Variants in MTTP observed in about 807,000 individuals in gnomAD.
MTTP encodes the protein microsomal triglyceride transfer protein large subunit.
Under a neutral mutation model 90.6 loss-of-function variants are expected in MTTP, and 49 were observed. That is an observed-to-expected ratio of 0.54 (90% CI 0.43 to 0.69). MTTP has a LOEUF of 0.69. Ranked by LOEUF, MTTP falls within the 30% of genes least tolerant of loss-of-function variation. The probability of loss-of-function intolerance (pLI) is 0.00; values close to 1 mark genes in which losing one functional copy is unlikely to be tolerated. For missense variants in MTTP, 945 were observed against 1,067.5 expected, an observed-to-expected ratio of 0.89 and a Z score of 1.60; for synonymous variants, 347 against 384.2, an observed-to-expected ratio of 0.90 and a Z score of 1.13.
chr4:99,623,283 GAAAAAA>G lies in MTTP; in HGVS notation c.*449_*454del, dbSNP rs545365701. 2.9e-5 allele frequency: 3 copies of G among 103,960 alleles called. No homozygotes were observed. The highest frequency in any genetic ancestry group is 3.1e-4 in the South Asian group (1 of 3,240). 6.4% of individuals were successfully genotyped at this position (103,960 alleles called of 1,614,324 possible). ...AAAACCAAACACGTTCCCTAATCAG[GAAAAAA>G]AAAAAAAAAAAAAGTAAGACACAAA... On this transcript the variant is annotated 3_prime_UTR_variant, in exon 18 of 18. Coordinates refer to ENST00000265517, the MANE Select transcript of MTTP (RefSeq NM_001386140.1).
At chr4:99,564,973 T>G (rs1365398439) in intron 1 of MTTP, among the ~76,000 whole-genome samples, 4 of 152,184 alleles carry the variant, frequency 2.6e-5, no homozygotes, top group Admixed American at 6.5e-5. Context: ...CTGTTGTGAG[T>G]CCCTCTTCTG....
At chr4:99,573,958 G>C (rs947410971), upstream of MTTP, among the ~76,000 whole-genome samples, 3 of 152,188 alleles carry the variant, frequency 2.0e-5, no homozygotes, top group Non-Finnish European at 4.4e-5. Flanking sequence ...TCTCTCATGG[G>C]AGTTTCCAGG....
chr4:99,571,354 AATTT>A (rs1295951383), upstream of MTTP, among the ~76,000 whole-genome samples: 28 of 151,994 alleles, frequency 1.8e-4, no homozygotes, highest in African/African-American at 5.1e-4. Flanking sequence ...ATGTCTGATA[AATTT>A]ATTCTGATCA....
rs1039302838 is a variant in MTTP, at chr4:99,623,041, AAT to A, written c.*194_*195del. The A allele has an allele frequency of 4.1e-5, 26 of 629,028 alleles. No homozygotes were observed. The African/African-American group carries it at 4.4e-4, about 11-fold the overall frequency. 39.0% of individuals were successfully genotyped at this position (629,028 alleles called of 1,614,324 possible). A position where few individuals can be genotyped will look rare whatever the true frequency, so the allele number is the denominator to read the frequency against. The stretch of plus-strand genomic sequence containing the variant: ...GTATGCTACCCACAGCGTCATTTTG[AAT>A]CATCATGTGACGCTTTCAACAACGT... On this transcript the variant is annotated 3_prime_UTR_variant, in exon 18 of 18. Coordinates refer to ENST00000265517, the MANE Select transcript of MTTP (RefSeq NM_001386140.1).
intron 10 of MTTP, among the ~76,000 whole-genome samples, chr4:99,603,007 G>C (rs374186850): frequency 1.2e-4 from 19 of 152,278 alleles, no homozygotes; most frequent in African/African-American, 4.6e-4. Context: ...TTTTCTGTTT[G>C]AGTGTGCTCG....
rs1346148619 is a variant in MTTP at position 99,597,054 on chromosome 4, G to GT, written c.910-12dup. On this transcript the variant is annotated splice_polypyrimidine_tract_variant and intron_variant, in intron 7 of 17. Coordinates refer to ENST00000265517, the MANE Select transcript of MTTP (RefSeq NM_001386140.1). Reference sequence around the variant, plus strand: ...TATGAGTGGGGTATGAGCCTGCAGTGTATGTTTTGCAGCTCTCGGAGCTCT... The same window carrying GT: ...TATGAGTGGGGTATGAGCCTGCAGTGTTATGTTTTGCAGCTCTCGGAGCTCT... The GT allele has an allele frequency of 2.1e-5, 34 of 1,613,348 alleles. No homozygotes were observed. Among genetic ancestry groups the GT allele is most frequent in the Non-Finnish European group, 2.8e-5 (33 of 1,179,734 alleles).
At chr4:99,591,855 T>C in intron 6 of MTTP, 65 bp downstream of exon 6, 1 of 1,387,488 alleles carries the variant, frequency 7.2e-7, no homozygotes, top group Non-Finnish European at 1.0e-6. Flanking sequence ...ACTTGATTTG[T>C]AAATAGATCT....
chr4:99,611,530 G>A, intron 14 of MTTP, 77 bp downstream of exon 14: 3 of 1,547,294 alleles, frequency 1.9e-6, no homozygotes, highest in Non-Finnish European at 2.7e-6. Flanking sequence ...CATATATGCT[G>A]TGGGTAATGC....
rs755671966 is a variant in MTTP, at chr4:99,623,920, A to C, written c.*1072A>C. ...CTTATTTTCCACTAAACACAGACAC[A>C]TGAAATGAAAGTTTAGCTAGCCCAC... is the stretch of plus-strand genomic sequence containing the variant. On this transcript the variant is annotated 3_prime_UTR_variant, in exon 18 of 18. Transcript: ENST00000265517. 2.6e-5 allele frequency: 4 copies of C among 152,244 alleles called. No homozygotes were observed. Among genetic ancestry groups the C allele is most frequent in the Non-Finnish European group, 4.4e-5 (3 of 68,044 alleles). The allele number at this position is 152,244 out of a possible 1,614,324, so 9.4% of individuals were successfully genotyped here.
upstream of MTTP, among the ~76,000 whole-genome samples, chr4:99,569,994 C>T (rs966065200): frequency 1.3e-5 from 2 of 151,832 alleles, no homozygotes; most frequent in African/African-American, 4.8e-5. Context: ...CACTATACCA[C>T]AAAGTTCCTT....
chr4:99,596,963 C>T (rs1000683870), intron 7 of MTTP, 104 bp from the exon 8 acceptor site: 6 of 1,511,170 alleles, frequency 4.0e-6, no homozygotes, highest in African/African-American at 2.7e-5. Flanking sequence ...AAGCTGCTTT[C>T]GCTTCAGACA....
In MTTP at chr4:99,581,402, T is replaced by C. The variant is rs577195125; in HGVS notation, c.62-503T>C. ...ACTAAAAGTTTGATAATTACATTAA[T>C]AGAGTAAATTACACTGAAGAGATGT... On this transcript the variant is annotated intron_variant, in intron 1 of 17. Coordinates refer to ENST00000265517, the MANE Select transcript of MTTP (RefSeq NM_001386140.1). Among the ~76,000 whole-genome samples the C allele has an allele frequency of 3.3e-5, 5 of 152,368 alleles. No homozygotes were observed. In the South Asian group the frequency reaches 8.3e-4, roughly 25 times the overall value.
chr4:99,571,645 T>C (rs1189954085), upstream of MTTP, among the ~76,000 whole-genome samples: 2 of 151,928 alleles, frequency 1.3e-5, no homozygotes, highest in Non-Finnish European at 2.9e-5. Flanking sequence ...AAGTTTGCTT[T>C]TGATAAGGAA....
At chr4:99,618,104 C>A (rs935804420) in intron 15 of MTTP, among the ~76,000 whole-genome samples, 2 of 152,096 alleles carry the variant, frequency 1.3e-5, no homozygotes, top group African/African-American at 4.8e-5. Flanking sequence ...TTTTAAAATA[C>A]AGCATAACAG....
rs1725951767 is a variant in MTTP, at chr4:99,611,401, G to A, written c.1937G>A (p.Ser646Asn). ...TCGGGTTCTGGCATTCTAAGGAGAA[G>A]TAACCTGAACATCTTTCAGTACATT... The part of the protein sequence containing the change: ...LYSGSGILRR[S>N]NLNIFQYIGK... The change falls in exon 14 of 18, where the codon AGT (serine) becomes AAT (asparagine). Residue 646 changes from serine (S) to asparagine (N), a missense_variant. By Grantham distance (46) the Ser-to-Asn change is conservative (BLOSUM62 1). Transcript: ENST00000265517. The A allele has an allele frequency of 3.7e-6, 6 of 1,614,086 alleles. No homozygotes were observed. The highest frequency in any genetic ancestry group is 1.1e-5 in the South Asian group (1 of 91,088).
At chr4:99,593,173 C>A (rs1010934346) in intron 6 of MTTP, among the ~76,000 whole-genome samples, 2 of 152,076 alleles carry the variant, frequency 1.3e-5, no homozygotes, top group Non-Finnish European at 2.9e-5. Flanking sequence ...ATATCTTGTT[C>A]ATCTTTATTT....
At position 99,623,635 on chromosome 4, in the gene MTTP, T is replaced by G. The variant is rs1222173554; in HGVS notation, c.*787T>G. 11 of 152,366 alleles carry G rather than the reference T, an allele frequency of 7.2e-5. No homozygotes were observed. 9.4% of individuals were successfully genotyped at this position (152,366 alleles called of 1,614,324 possible). ...GTGTCTTTTTGAGACTGTAATATGG[T>G]ACACTGTCCTCTAAGGGACATCCTC... On this transcript the variant is annotated 3_prime_UTR_variant, in exon 18 of 18. Transcript: ENST00000265517.
chr4:99,606,703 T>C (rs1419737406), intron 10 of MTTP, 45 bp from the exon 11 acceptor site: 1 of 1,586,552 alleles, frequency 6.3e-7, no homozygotes. Context: ...CCAAGTCTTC[T>C]TCAATGTATG....
chr4:99,583,670 TTTCC>T, intron 3 of MTTP, 153 bp downstream of exon 3: 1 of 939,370 alleles, frequency 1.1e-6, no homozygotes, highest in African/African-American at 1.6e-5. Flanking sequence ...AAATTAAATG[TTTCC>T]AAACTGAATC....
Sources: gnomAD v4.1 joint callset for allele counts (sites outside exome capture counted in the v4.1 genomes callset) on GRCh38, gnomAD v4.1.1 for gene constraint, MANE v1.5 for transcripts, NCBI Gene and HGNC (gene_info 2026-07-23, HGNC 2026-07-21) for gene names.